CLEC2B: variants seen among roughly 807,000 people sequenced by gnomAD.
CLEC2B encodes the protein C-type (calcium dependent, carbohydrate-recognition domain) lectin, superfamily member 2 (activation-induced).
In CLEC2B, 14 loss-of-function variants were observed where a neutral mutation model predicts 16.2. The observed-to-expected ratio is 0.86, with a 90% CI of 0.57 to 1.35. The LOEUF (loss-of-function observed/expected upper bound fraction) is 1.35. CLEC2B is among the 40% of genes most tolerant of loss of function. The pLI is 0.00. For synonymous variants in CLEC2B, 42 were observed against 55.8 expected, an observed-to-expected ratio of 0.75 and a Z score of 1.10; for missense variants, 166 against 182.3, an observed-to-expected ratio of 0.91 and a Z score of 0.52.
intron 3 of CLEC2B, among the ~76,000 whole-genome samples, chr12:9,856,116 T>A (rs1367148280): frequency 6.6e-6 from 1 of 152,154 alleles, no homozygotes; most frequent in African/African-American, 2.4e-5. Flanking sequence ...TAATTATTTT[T>A]ATGTACTTCT....
At chr12:9,863,158 TG>T in intron 1 of CLEC2B, among the ~76,000 whole-genome samples, 1 of 152,238 alleles carries the variant, frequency 6.6e-6, no homozygotes, top group South Asian at 2.1e-4. Context: ...CCCACACTAC[TG>T]GGATATCCCC....
At position 9,853,085 on chromosome 12, in the gene CLEC2B, G is replaced by GAGAAAGAAAGAA. The variant is rs759279292; in HGVS notation, c.*214_*215insTTCTTTCTTTCT. 5.3e-4 allele frequency: 168 copies of GAGAAAGAAAGAA among 315,188 alleles called. No individual in the cohort carries two copies. The highest frequency in any genetic ancestry group is 1.7e-3 in the Middle Eastern group (2 of 1,196). 19.5% of individuals were successfully genotyped at this position (315,188 alleles called of 1,614,324 possible). On this transcript the variant is annotated 3_prime_UTR_variant, in exon 5 of 5. Transcript: ENST00000228438. The stretch of plus-strand genomic sequence containing the variant: ...AGAAAGAAAGAAAGAAAGAAAGAAA[G>GAGAAAGAAAGAA]AGAGAGAGAGAAAGAAAGAAAGAAA...
chr12:9,857,619 G>A lies in CLEC2B; in HGVS notation c.92C>T (p.Ser31Phe). ...CCAATCATAGGGGCATAAACTCTGA[G>A]AATCTCGAGTTAGTTTAACTGGAAA... ...ITLIVKLTRD[S>F]QSLCPYDWIG... The change falls in exon 3 of 5, where the codon TCT becomes TTT. Residue 31 changes from serine (S) to phenylalanine (F), a missense_variant. Physicochemically the swap from Ser to Phe is radical, Grantham distance 155. Transcript: ENST00000228438. 6.2e-7 allele frequency: 1 copy of A among 1,609,054 alleles called. No individual in the cohort carries two copies. The highest frequency in any genetic ancestry group is 8.5e-7 in the Non-Finnish European group (1 of 1,176,160).
chr12:9,860,000 GTAAA>G (rs1003071948), intron 2 of CLEC2B, among the ~76,000 whole-genome samples: 21 of 151,666 alleles, frequency 1.4e-4, no homozygotes, highest in African/African-American at 4.8e-4. Context: ...TTAAAGGGAA[GTAAA>G]TAAAACACCT....
chr12:9,853,083 A>AAGAGAAAGAAAGAAAG lies in CLEC2B; in HGVS notation c.*216_*217insCTTTCTTTCTTTCTCT. The AAGAGAAAGAAAGAAAG allele has an allele frequency of 3.2e-6, 1 of 308,232 alleles. No individual in the cohort carries two copies. Among genetic ancestry groups the AAGAGAAAGAAAGAAAG allele is most frequent in the East Asian group, 5.7e-5 (1 of 17,466 alleles). The allele number at this position is 308,232 out of a possible 1,614,324, so 19.1% of individuals were successfully genotyped here. On this transcript the variant is annotated 3_prime_UTR_variant, in exon 5 of 5. Transcript: ENST00000228438. Reference sequence around the variant, plus strand: ...AAAGAAAGAAAGAAAGAAAGAAAGAAAGAGAGAGAGAGAAAGAAAGAAAGA... The same window carrying AAGAGAAAGAAAGAAAG: ...AAAGAAAGAAAGAAAGAAAGAAAGAAAGAGAAAGAAAGAAAGAGAGAGAGAGAGAAAGAAAGAAAGA...
rs532375167 is a variant in CLEC2B, at chr12:9,861,627, T to C, written c.73+872A>G. ...TTCACAACCACCCAATTTGCAATAG[T>C]CAAAATGTAACACGATCCAAATGTT... On this transcript the variant is annotated intron_variant, in intron 2 of 4. Coordinates refer to ENST00000228438, the MANE Select transcript of CLEC2B (RefSeq NM_005127.3). 1.8e-4 allele frequency among the ~76,000 whole-genome samples: 27 copies of C among 152,196 alleles called. No homozygotes were observed. In the South Asian group the frequency reaches 5.4e-3, roughly 30 times the overall value.
chr12:9,863,635 G>A (rs1345397468), intron 1 of CLEC2B, among the ~76,000 whole-genome samples: 1 of 152,090 alleles, frequency 6.6e-6, no homozygotes, highest in Admixed American at 6.6e-5. Flanking sequence ...AGTGATATTG[G>A]AACTGAAAAA....
At chr12:9,857,965 A>G (rs1354966027) in intron 2 of CLEC2B, among the ~76,000 whole-genome samples, 1 of 152,138 alleles carries the variant, frequency 6.6e-6, no homozygotes, top group African/African-American at 2.4e-5. Context: ...ATTACCTAAG[A>G]GTAATACAAG....
At chr12:9,858,244 G>T (rs1412471056) in intron 2 of CLEC2B, among the ~76,000 whole-genome samples, 1 of 151,970 alleles carries the variant, frequency 6.6e-6, no homozygotes, top group African/African-American at 2.4e-5. Context: ...AGTCTTGGCA[G>T]CTAGATATCT....
intron 3 of CLEC2B, 87 bp downstream of exon 3, chr12:9,857,385 GAA>G: frequency 9.0e-6 from 9 of 1,003,014 alleles, no homozygotes; most frequent in Non-Finnish European, 1.3e-5. Flanking sequence ...AGGCATGAGT[GAA>G]AAGACTTCAA....
intron 2 of CLEC2B, among the ~76,000 whole-genome samples, chr12:9,859,026 T>C (rs1867914677): frequency 6.6e-6 from 1 of 152,046 alleles, no homozygotes; most frequent in Non-Finnish European, 1.5e-5. Context: ...AATTTTGCTG[T>C]GACCATAATC....
At chr12:9,863,126 G>A (rs1294444704) in intron 1 of CLEC2B, among the ~76,000 whole-genome samples, 1 of 152,104 alleles carries the variant, frequency 6.6e-6, no homozygotes, top group Non-Finnish European at 1.5e-5. Context: ...GGTCCCCTGG[G>A]CTGGAACACC....
chr12:9,862,185 ATATT>A (rs1295226820), intron 2 of CLEC2B, among the ~76,000 whole-genome samples: 1 of 152,092 alleles, frequency 6.6e-6, no homozygotes, highest in Admixed American at 6.6e-5. Flanking sequence ...AAATTTGATT[ATATT>A]TATATAAAAT....
chr12:9,856,338 T>C (rs1867894055), intron 3 of CLEC2B, among the ~76,000 whole-genome samples: 1 of 152,078 alleles, frequency 6.6e-6, no homozygotes, highest in Admixed American at 6.6e-5. Context: ...TCTCAGAATG[T>C]TCATTTTCAA....
intron 4 of CLEC2B, among the ~76,000 whole-genome samples, chr12:9,854,158 C>A (rs1450835984): frequency 6.6e-6 from 1 of 152,034 alleles, no homozygotes; most frequent in African/African-American, 2.4e-5. Flanking sequence ...AATCTCAGGT[C>A]TTTATTTTCA....
chr12:9,866,812 TTG>T (rs1451858154), intron 1 of CLEC2B, among the ~76,000 whole-genome samples: 1 of 151,990 alleles, frequency 6.6e-6, no homozygotes, highest in Non-Finnish European at 1.5e-5. Context: ...TTTCTGAAAA[TTG>T]TGAAGGGATT....
chr12:9,866,205 T>C (rs1030786002), intron 1 of CLEC2B, among the ~76,000 whole-genome samples: 1 of 152,160 alleles, frequency 6.6e-6, no homozygotes, highest in African/African-American at 2.4e-5. Context: ...ATTAATATCA[T>C]GAATTATTTA....
Position 9,857,573 on chromosome 12 carries a change from G to A in CLEC2B, c.138C>T (p.Cys46=), listed in dbSNP as rs566724328. 1.2e-6 allele frequency: 2 copies of A among 1,610,840 alleles called. No individual in the cohort carries two copies. The highest frequency in any genetic ancestry group is 2.2e-5 in the South Asian group (2 of 91,002). The change falls in exon 3 of 5, where the codon TGC becomes TGT. Residue 46 remains cysteine (C), a synonymous_variant. Transcript: ENST00000228438. ...PYDWIGFQNK[C]YYFSKEEGDW... Reference sequence around the variant, plus strand: ...CTCCTTCTTCTTTAGAGAAATAATAGCATTTGTTTTGGAAACCAATCCAAT... The same window carrying A: ...CTCCTTCTTCTTTAGAGAAATAATAACATTTGTTTTGGAAACCAATCCAAT...
At chr12:9,859,719 C>T (rs931656174) in intron 2 of CLEC2B, among the ~76,000 whole-genome samples, 3 of 151,770 alleles carry the variant, frequency 2.0e-5, no homozygotes, top group Non-Finnish European at 3.0e-5. Flanking sequence ...ATCATAATCA[C>T]ATCAATACCT....
Sources: gnomAD v4.1 joint callset for allele counts (sites outside exome capture counted in the v4.1 genomes callset) on GRCh38, gnomAD v4.1.1 for gene constraint, MANE v1.5 for transcripts, NCBI Gene and HGNC (gene_info 2026-07-23, HGNC 2026-07-21) for gene names.